Variants in ESR1 observed in about 807,000 individuals in gnomAD.
ESR1 encodes estrogen receptor 1.
ESR1 carries 12 observed loss-of-function variants against 52.7 expected under a neutral mutation model. The observed-to-expected ratio is 0.23, with a 90% CI of 0.15 to 0.37. ESR1 has a LOEUF of 0.37. ESR1 is among the 10% of genes least tolerant of loss of function. ESR1 has a pLI of 1.00. For synonymous variants in ESR1, 305 were observed against 316.8 expected, an observed-to-expected ratio of 0.96 and a Z score of 0.39; for missense variants, 584 against 779.7, an observed-to-expected ratio of 0.75 and a Z score of 2.99.
At chr6:152,064,824 G>C (rs1307824420) in intron 6 of ESR1, among the ~76,000 whole-genome samples, 1 of 152,186 alleles carries the variant, frequency 6.6e-6, no homozygotes, top group African/African-American at 2.4e-5. Flanking sequence ...GGAGGACCTG[G>C]AAAGTCCTCA....
chr6:151,708,252 GATCT>G (rs764817213), intron 2 of ESR1, among the ~76,000 whole-genome samples: 9 of 152,126 alleles, frequency 5.9e-5, no homozygotes, highest in Non-Finnish European at 1.2e-4. Context: ...AAATCTTATA[GATCT>G]ATCTCATTCT....
upstream of ESR1, among the ~76,000 whole-genome samples, chr6:151,687,725 T>G (rs1321585451): frequency 6.6e-6 from 1 of 152,192 alleles, no homozygotes; most frequent in Non-Finnish European, 1.5e-5. Context: ...CACAAAAAGG[T>G]TGGAACCTGA....
At chr6:151,957,609 A>G (rs572147310) in intron 4 of ESR1, among the ~76,000 whole-genome samples, 2 of 152,276 alleles carry the variant, frequency 1.3e-5, no homozygotes, top group Admixed American at 1.3e-4. Flanking sequence ...GTTAATACTA[A>G]CTAGTGATTT....
intron 3 of ESR1, among the ~76,000 whole-genome samples, chr6:151,933,682 C>T (rs577113822): frequency 2.6e-5 from 4 of 152,132 alleles, no homozygotes; most frequent in African/African-American, 9.7e-5. Context: ...TGAATTTTGT[C>T]AAAGGCTTTT....
At chr6:151,775,642 A>C (rs1209472771) in intron 2 of ESR1, among the ~76,000 whole-genome samples, 1 of 151,544 alleles carries the variant, frequency 6.6e-6, no homozygotes, top group Non-Finnish European at 1.5e-5. Context: ...GCTACTCGGG[A>C]GGCTGAGGCA....
intron 2 of ESR1, among the ~76,000 whole-genome samples, chr6:151,713,748 T>A (rs558534942): frequency 1.3e-5 from 2 of 152,316 alleles, no homozygotes; most frequent in East Asian, 3.9e-4. Flanking sequence ...TTAGTCTGGC[T>A]AGCAGTCTAT....
intron 3 of ESR1, among the ~76,000 whole-genome samples, chr6:151,916,075 C>T (rs1224212657): frequency 1.3e-5 from 2 of 152,072 alleles, no homozygotes; most frequent in South Asian, 2.1e-4. Flanking sequence ...CTGCCTGCAT[C>T]GAGATGCATT....
chr6:151,789,261 C>T (rs1787305212), intron 2 of ESR1, among the ~76,000 whole-genome samples: 1 of 152,170 alleles, frequency 6.6e-6, no homozygotes, highest in African/African-American at 2.4e-5. Flanking sequence ...TGTTACCTTA[C>T]AGCAATAGCT....
intron 2 of ESR1, among the ~76,000 whole-genome samples, chr6:151,871,319 C>T (rs1046611439): frequency 7.2e-5 from 11 of 151,992 alleles, no homozygotes; most frequent in Non-Finnish European, 1.2e-4. Context: ...TTTAAGTGTA[C>T]GGTTCAGTGG....
chr6:152,106,179 T>A (rs2051065122), downstream of ESR1, among the ~76,000 whole-genome samples: 2 of 152,232 alleles, frequency 1.3e-5, no homozygotes, highest in African/African-American at 4.8e-5. Context: ...TTTGCTCCAA[T>A]GCAGCTCCAT....
chr6:151,749,049 C>CAT (rs938075246), intron 2 of ESR1, among the ~76,000 whole-genome samples: 7 of 151,086 alleles, frequency 4.6e-5, no homozygotes, highest in African/African-American at 1.2e-4. Flanking sequence ...ATAAGGGGGA[C>CAT]ATATATATAT....
At chr6:151,971,113 G>A (rs1048331346) in intron 4 of ESR1, among the ~76,000 whole-genome samples, 1 of 152,134 alleles carries the variant, frequency 6.6e-6, no homozygotes, top group Non-Finnish European at 1.5e-5. Context: ...GGCTGCATTT[G>A]TATTAAATTT....
At chr6:151,835,112 G>A (rs1387171583) in intron 1 of ESR1, among the ~76,000 whole-genome samples, 1 of 152,176 alleles carries the variant, frequency 6.6e-6, no homozygotes, top group East Asian at 1.9e-4. Flanking sequence ...GTTTTTCAGA[G>A]AAGAGGAAGG....
exon 7 of ESR1, chr6:152,128,758 T>G (rs1362216456): frequency 6.6e-6 from 1 of 152,224 alleles, no homozygotes; most frequent in Non-Finnish European, 1.5e-5. Flanking sequence ...AGTGCAAGAT[T>G]AAACACGAGA....
intron 1 of ESR1, among the ~76,000 whole-genome samples, chr6:151,679,073 T>C (rs1778361852): frequency 6.6e-6 from 1 of 152,180 alleles, no homozygotes; most frequent in Non-Finnish European, 1.5e-5. Context: ...AAAAAAGTAT[T>C]TTTCTTTAGT....
upstream of ESR1, among the ~76,000 whole-genome samples, chr6:151,688,413 G>A (rs761271680): frequency 2.0e-5 from 3 of 152,158 alleles, no homozygotes; most frequent in African/African-American, 4.8e-5. Context: ...GCCGCAGCTG[G>A]TATGGGTACT....
intron 1 of ESR1, among the ~76,000 whole-genome samples, chr6:151,684,455 C>T (rs777052639): frequency 3.9e-5 from 6 of 152,062 alleles, no homozygotes; most frequent in African/African-American, 1.2e-4. Context: ...GTATGTTGGA[C>T]GGATTCGAAA....
chr6:151,776,702 G>A (rs2128115593), intron 2 of ESR1, among the ~76,000 whole-genome samples: 1 of 152,238 alleles, frequency 6.6e-6, no homozygotes, highest in South Asian at 2.1e-4. Flanking sequence ...GCCAGGCTTG[G>A]TGGCGGGTGC....
chr6:151,928,930 A>T (rs2033177699), intron 3 of ESR1, among the ~76,000 whole-genome samples: 1 of 151,952 alleles, frequency 6.6e-6, no homozygotes, highest in South Asian at 2.1e-4. Flanking sequence ...TACTTTGTAC[A>T]CTTTCTGTTC....
Sources: allele counts gnomAD v4.1 joint callset (sites outside exome capture counted in the v4.1 genomes callset), GRCh38; gene constraint gnomAD v4.1.1; transcripts MANE v1.5; gene names NCBI Gene and HGNC (gene_info 2026-07-23, HGNC 2026-07-21).